Variants in CNTNAP2 observed in about 807,000 individuals in gnomAD.
CNTNAP2 encodes the protein contactin-associated protein-like 2.
CNTNAP2 carries 98 observed loss-of-function variants against 155.2 expected under a neutral mutation model. The observed-to-expected ratio is 0.63, with a 90% confidence interval of 0.54 to 0.75. CNTNAP2 has a LOEUF of 0.75. CNTNAP2 is among the 30% of genes least tolerant of loss of function. CNTNAP2 has a pLI of 0.00. For synonymous variants in CNTNAP2, 651 were observed against 631.2 expected, an observed-to-expected ratio of 1.03 and a Z score of -0.47; for missense variants, 1,727 against 1,688.1, an observed-to-expected ratio of 1.02 and a Z score of -0.40.
At chr7:146,921,026 T>C (rs1348536282) in intron 3 of CNTNAP2, among the ~76,000 whole-genome samples, 1 of 152,184 alleles carries the variant, frequency 6.6e-6, no homozygotes, top group African/African-American at 2.4e-5. Flanking sequence ...GACATTCCAC[T>C]GAAGCTCAAA....
intron 3 of CNTNAP2, among the ~76,000 whole-genome samples, chr7:147,016,700 C>A (rs1181217676): frequency 1.3e-5 from 2 of 151,774 alleles, no homozygotes; most frequent in African/African-American, 4.8e-5. Flanking sequence ...TTTGACAGAC[C>A]CATATTGCTT....
At chr7:147,096,805 A>G (rs1800545155) in intron 4 of CNTNAP2, among the ~76,000 whole-genome samples, 2 of 152,214 alleles carry the variant, frequency 1.3e-5, no homozygotes, top group South Asian at 2.1e-4. Flanking sequence ...ACAGCACCCA[A>G]GTTCACAGTG....
At chr7:147,726,893 G>A (rs76086756) in intron 13 of CNTNAP2, among the ~76,000 whole-genome samples, 1,667 of 152,060 alleles carry the variant, frequency 0.011, 93 homozygotes, top group Admixed American at 0.087. Context: ...CACTGGTGGT[G>A]AGCTGTAGTT....
At chr7:148,293,228 G>T (rs140198136) in intron 21 of CNTNAP2, among the ~76,000 whole-genome samples, 44 of 151,984 alleles carry the variant, frequency 2.9e-4, no homozygotes, top group African/African-American at 1.0e-3. Context: ...CACAAGCATG[G>T]TATTTTTTGT....
At chr7:148,341,837 C>T (rs1798241520) in intron 21 of CNTNAP2, among the ~76,000 whole-genome samples, 1 of 152,118 alleles carries the variant, frequency 6.6e-6, no homozygotes, top group South Asian at 2.1e-4. Flanking sequence ...AATGACTTCC[C>T]AGAAACCATA....
intron 8 of CNTNAP2, among the ~76,000 whole-genome samples, chr7:147,238,132 G>A (rs1030749777): frequency 4.6e-5 from 7 of 152,076 alleles, no homozygotes; most frequent in Admixed American, 1.3e-4. Context: ...CTCCTGCCTC[G>A]GCCTCCCGAG....
intron 1 of CNTNAP2, among the ~76,000 whole-genome samples, chr7:146,159,634 G>A (rs1221531470): frequency 6.6e-6 from 1 of 152,140 alleles, no homozygotes; most frequent in East Asian, 1.9e-4. Context: ...AAGATTGAAA[G>A]AGACAAAGAA....
intron 1 of CNTNAP2, among the ~76,000 whole-genome samples, chr7:146,737,146 CAT>C (rs1801634896): frequency 6.6e-6 from 1 of 151,964 alleles, no homozygotes; most frequent in African/African-American, 2.4e-5. Context: ...AGTTACAAGA[CAT>C]ATTTTTATTT....
chr7:147,687,692 G>C (rs1023778756), intron 13 of CNTNAP2, among the ~76,000 whole-genome samples: 3 of 152,224 alleles, frequency 2.0e-5, no homozygotes, highest in African/African-American at 7.2e-5. Flanking sequence ...GGCAGCAACA[G>C]AGTAGCAAAC....
In CNTNAP2 at chr7:148,322,836, T is replaced by C. The variant is rs949250634; in HGVS notation, c.3475+55710T>C. Among the ~76,000 whole-genome samples, 34 of 149,588 alleles carry C rather than the reference T, an allele frequency of 2.3e-4. 1 individual carries two copies. The highest frequency in any genetic ancestry group is 1.0e-4 in the Non-Finnish European group (7 of 67,572). ...TCAAATTTTTTCCTCACTTCTAAGT[T>C]TCATTCAGGGACTACCTTTCCCCAC... On this transcript the variant is annotated intron_variant, in intron 21 of 23. Coordinates refer to ENST00000361727, the MANE Select transcript of CNTNAP2 (RefSeq NM_014141.6).
intron 18 of CNTNAP2, chr7:148,190,854 C>CAGAGAG (rs10532093): frequency 2.7e-5 from 4 of 146,296 alleles, no homozygotes; most frequent in African/African-American, 1.0e-4. Context: ...AGGGGAAAGA[C>CAGAGAG]AGAGAGAGAG....
chr7:147,969,455 A>G lies in CNTNAP2; in HGVS notation c.2256-8407A>G, dbSNP rs182034128. ...TGTGGCACCTAGCACAAGTGATTGC[A>G]TGTTGGTTTGGTCTGAGTTGTTGGG... On this transcript the variant is annotated intron_variant, in intron 14 of 23. Coordinates refer to ENST00000361727, the MANE Select transcript of CNTNAP2 (RefSeq NM_014141.6). Among the ~76,000 whole-genome samples the G allele has an allele frequency of 3.2e-3, 493 of 152,248 alleles. 16 individuals are homozygous for G. Among genetic ancestry groups the G allele is most frequent in the Admixed American group, 0.027 (407 of 15,280 alleles).
intron 13 of CNTNAP2, among the ~76,000 whole-genome samples, chr7:147,681,870 A>G (rs1185264010): frequency 1.3e-5 from 2 of 151,854 alleles, no homozygotes; most frequent in Non-Finnish European, 2.9e-5. Context: ...ACTTAGTGCT[A>G]TCTGTGGTTT....
intron 14 of CNTNAP2, among the ~76,000 whole-genome samples, chr7:147,976,289 T>A (rs10260708): frequency 0.11 from 16,296 of 152,190 alleles, 1,172 homozygotes; most frequent in African/African-American, 0.21. Flanking sequence ...GTTATCAAAT[T>A]ACCATATGCT....
chr7:146,128,560 T>G (rs906361958), intron 1 of CNTNAP2, among the ~76,000 whole-genome samples: 3 of 152,166 alleles, frequency 2.0e-5, no homozygotes, highest in African/African-American at 7.2e-5. Context: ...TCGCTACTAC[T>G]TTTATAGATA....
chr7:146,820,569 G>A lies in CNTNAP2; in HGVS notation c.209-19142G>A, dbSNP rs991191972. ...TTTCTGTTCTTTTACATTTGCTGAG[G>A]AGTGCTTTACTTCCAACTATGTGGT... On this transcript the variant is annotated intron_variant, in intron 2 of 23. Coordinates refer to ENST00000361727, the MANE Select transcript of CNTNAP2 (RefSeq NM_014141.6). Among the ~76,000 whole-genome samples, 3 of 152,224 alleles carry A rather than the reference G, an allele frequency of 2.0e-5. No homozygotes were observed. In the East Asian group the frequency reaches 5.8e-4, roughly 29 times the overall value.
chr7:146,581,839 T>C (rs964045737), intron 1 of CNTNAP2, among the ~76,000 whole-genome samples: 4 of 152,128 alleles, frequency 2.6e-5, no homozygotes, highest in Admixed American at 1.3e-4. Context: ...AATAGTAGCA[T>C]TGTCTAAACT....
chr7:147,848,073 A>C (rs1424143793), intron 13 of CNTNAP2, among the ~76,000 whole-genome samples: 1 of 125,472 alleles, frequency 8.0e-6, no homozygotes, highest in Admixed American at 8.9e-5. Flanking sequence ...CTGCCCCCAG[A>C]GGTGGAGCCT....
At chr7:148,042,906 G>A (rs1025433651) in intron 15 of CNTNAP2, among the ~76,000 whole-genome samples, 6 of 152,204 alleles carry the variant, frequency 3.9e-5, no homozygotes, top group Non-Finnish European at 8.8e-5. Context: ...TCTCAAAAAT[G>A]TTGTGGTTTC....
Sources: allele counts gnomAD v4.1 joint callset (sites outside exome capture counted in the v4.1 genomes callset), GRCh38; gene constraint gnomAD v4.1.1; transcripts MANE v1.5; gene names NCBI Gene and HGNC (gene_info 2026-07-23, HGNC 2026-07-21).